The following CNTN4 variants were observed in gnomAD, a reference collection of about 807,000 sequenced individuals.
The protein encoded by CNTN4 is contactin 4.
In CNTN4, 77 loss-of-function variants were observed where a neutral mutation model predicts 122.5. That is an observed-to-expected ratio of 0.63 (90% CI 0.52 to 0.76). CNTN4 has a LOEUF of 0.76. Among genes scored for constraint, CNTN4 ranks in the 30% least tolerant of loss-of-function variants. The pLI is 0.00. For missense variants in CNTN4, 1,256 were observed against 1,259.1 expected, an observed-to-expected ratio of 1.00 and a Z score of 0.04; for synonymous variants, 512 against 447.0, an observed-to-expected ratio of 1.15 and a Z score of -1.83.
intron 13 of CNTN4, among the ~76,000 whole-genome samples, chr3:2,972,392 A>G (rs1264473901): frequency 6.6e-6 from 1 of 152,090 alleles, no homozygotes; most frequent in Non-Finnish European, 1.5e-5. Flanking sequence ...TATTTACCCA[A>G]TGTAGACATG....
chr3:2,958,203 T>C (rs1441618744), intron 13 of CNTN4, among the ~76,000 whole-genome samples: 1 of 152,194 alleles, frequency 6.6e-6, no homozygotes, highest in Admixed American at 6.5e-5. Flanking sequence ...TTGCCTCCAA[T>C]TAAGAAACAC....
chr3:2,786,245 G>A (rs909833163), intron 6 of CNTN4, among the ~76,000 whole-genome samples: 34 of 152,142 alleles, frequency 2.2e-4, no homozygotes, highest in African/African-American at 8.0e-4. Context: ...GCAGGTGCAA[G>A]AGGCTGTCAC....
intron 7 of CNTN4, among the ~76,000 whole-genome samples, chr3:2,837,810 A>G (rs983447918): frequency 6.6e-6 from 1 of 152,194 alleles, no homozygotes; most frequent in African/African-American, 2.4e-5. Context: ...GCAGCCTGCA[A>G]GTGGCTGTGA....
chr3:2,775,396 G>T (rs538538097), intron 6 of CNTN4, among the ~76,000 whole-genome samples: 2 of 152,002 alleles, frequency 1.3e-5, no homozygotes, highest in Non-Finnish European at 2.9e-5. Flanking sequence ...GGAAGTTGTT[G>T]CCCATCATTT....
At chr3:2,394,418 A>C (rs2046560546) in intron 3 of CNTN4, among the ~76,000 whole-genome samples, 1 of 152,210 alleles carries the variant, frequency 6.6e-6, no homozygotes, top group Admixed American at 6.5e-5. Flanking sequence ...CTCCTTTATT[A>C]ACAGTTAATG....
Position 2,271,606 on chromosome 3 carries a change from G to C in CNTN4, c.-144-67572G>C, listed in dbSNP as rs138919772. Among the ~76,000 whole-genome samples, 157 of 152,114 alleles carry C rather than the reference G, an allele frequency of 1.0e-3. 1 individual carries two copies. The highest frequency in any genetic ancestry group is 6.8e-3 in the Middle Eastern group (2 of 294). On this transcript the variant is annotated intron_variant, in intron 2 of 24. Coordinates refer to ENST00000418658, the MANE Select transcript of CNTN4 (RefSeq NM_175607.3). Reference sequence around the variant, plus strand: ...TTGTTGTTTTAATAGGGAAAGTATTGGTTATATAAATAGCCAAGAAAACAG... The same window carrying C: ...TTGTTGTTTTAATAGGGAAAGTATTCGTTATATAAATAGCCAAGAAAACAG...
At chr3:2,175,571 A>G (rs2036713998) in intron 2 of CNTN4, among the ~76,000 whole-genome samples, 1 of 152,210 alleles carries the variant, frequency 6.6e-6, no homozygotes, top group Non-Finnish European at 1.5e-5. Context: ...GGTTTGAAGC[A>G]GAAGGTCAGA....
intron 2 of CNTN4, among the ~76,000 whole-genome samples, chr3:2,195,910 CTG>C (rs2037811830): frequency 6.6e-6 from 1 of 152,172 alleles, no homozygotes; most frequent in African/African-American, 2.4e-5. Context: ...TCAACTTTCT[CTG>C]TGAATTTTCA....
At chr3:3,051,892 G>C (rs1014113960) in intron 23 of CNTN4, among the ~76,000 whole-genome samples, 1 of 152,168 alleles carries the variant, frequency 6.6e-6, no homozygotes, top group African/African-American at 2.4e-5. Flanking sequence ...AGGGATCTTA[G>C]GGAAGGATGA....
intron 13 of CNTN4, among the ~76,000 whole-genome samples, chr3:2,953,731 A>G (rs543310107): frequency 2.0e-5 from 3 of 152,242 alleles, no homozygotes; most frequent in East Asian, 1.9e-4. Flanking sequence ...ACTCCAACAT[A>G]TAAATTGTCT....
chr3:2,823,039 T>C (rs1379637843), intron 7 of CNTN4, among the ~76,000 whole-genome samples: 1 of 152,204 alleles, frequency 6.6e-6, no homozygotes, highest in Non-Finnish European at 1.5e-5. Flanking sequence ...ATCCATCAGT[T>C]TTGGACAAGG....
chr3:2,360,286 T>A (rs2045071153), intron 3 of CNTN4, among the ~76,000 whole-genome samples: 1 of 152,132 alleles, frequency 6.6e-6, no homozygotes, highest in Admixed American at 6.5e-5. Flanking sequence ...TATTCCCTTA[T>A]TTTTAGCAGT....
At chr3:2,845,330 G>A (rs963767883) in intron 7 of CNTN4, among the ~76,000 whole-genome samples, 1 of 151,846 alleles carries the variant, frequency 6.6e-6, no homozygotes, top group Non-Finnish European at 1.5e-5. Context: ...AACAACCCTA[G>A]TCCACTGTCA....
At chr3:2,527,407 G>GC in intron 3 of CNTN4, among the ~76,000 whole-genome samples, 2 of 132,088 alleles carry the variant, frequency 1.5e-5, no homozygotes, top group Admixed American at 1.6e-4. Context: ...AGGGAACAAT[G>GC]TATGCTGCTG....
intron 4 of CNTN4, among the ~76,000 whole-genome samples, chr3:2,678,398 T>C (rs1467486274): frequency 6.6e-6 from 1 of 152,196 alleles, no homozygotes; most frequent in African/African-American, 2.4e-5. Context: ...ATATTATACA[T>C]GTTCGACTTT....
intron 2 of CNTN4, among the ~76,000 whole-genome samples, chr3:2,127,218 T>A (rs1474738614): frequency 6.6e-6 from 1 of 152,072 alleles, no homozygotes; most frequent in South Asian, 2.1e-4. Flanking sequence ...CTTTGTCGGG[T>A]TCCCATCACA....
intron 4 of CNTN4, among the ~76,000 whole-genome samples, chr3:2,670,490 T>C (rs2084440173): frequency 1.3e-5 from 2 of 152,224 alleles, no homozygotes; most frequent in East Asian, 3.9e-4. Context: ...TGTGTGTCTC[T>C]GCACGTGGGA....
chr3:2,313,852 CTTTG>C (rs1205147166), intron 2 of CNTN4, among the ~76,000 whole-genome samples: 3 of 151,882 alleles, frequency 2.0e-5, no homozygotes, highest in Admixed American at 6.6e-5. Flanking sequence ...TTCCCTTATA[CTTTG>C]TTTAACTTAG....
chr3:2,661,164 A>G (rs2083872185), intron 4 of CNTN4, among the ~76,000 whole-genome samples: 2 of 152,202 alleles, frequency 1.3e-5, no homozygotes, highest in Admixed American at 1.3e-4. Context: ...TAGCCAGACT[A>G]AGATGACAAA....
Sources: allele counts gnomAD v4.1 joint callset (sites outside exome capture counted in the v4.1 genomes callset), GRCh38; gene constraint gnomAD v4.1.1; transcripts MANE v1.5; gene names NCBI Gene and HGNC (gene_info 2026-07-23, HGNC 2026-07-21).